DCAF6: variants seen among roughly 807,000 people sequenced by gnomAD.
The protein encoded by DCAF6 is DDB1 and CUL4 associated factor 6.
A neutral mutation model predicts 125.1 loss-of-function variants in DCAF6; 54 were observed. The observed-to-expected ratio is 0.43, with a 90% CI of 0.35 to 0.54. The LOEUF is 0.54. Among genes scored for constraint, DCAF6 ranks in the 20% least tolerant of loss-of-function variants. The probability of loss-of-function intolerance (pLI) is 0.01; values close to 1 mark genes in which losing one functional copy is unlikely to be tolerated. For synonymous variants in DCAF6, 371 were observed against 390.4 expected, an observed-to-expected ratio of 0.95 and a Z score of 0.58; for missense variants, 934 against 1,161.7, an observed-to-expected ratio of 0.80 and a Z score of 2.85.
At chr1:167,980,200 GTAAA>G (rs1159779854) in intron 4 of DCAF6, among the ~76,000 whole-genome samples, 2 of 151,984 alleles carry the variant, frequency 1.3e-5, no homozygotes, top group Non-Finnish European at 2.9e-5. Context: ...AAATAAATAA[GTAAA>G]TAAATAAATT....
chr1:167,969,306 G>A (rs1676939390), intron 3 of DCAF6: 1 of 152,150 alleles, frequency 6.6e-6, no homozygotes, highest in Non-Finnish European at 1.5e-5. Flanking sequence ...CTTCAGCCAA[G>A]TAGTTTAAGA....
At chr1:167,915,668 C>T in the DCAF6 span, among the ~76,000 whole-genome samples, 315 of 152,200 alleles carry the variant, frequency 2.1e-3, 1 homozygote, top group African/African-American at 7.2e-3. Flanking sequence ...TCAGTCTTGT[C>T]GCGAACTCCT....
intron 10 of DCAF6, among the ~76,000 whole-genome samples, chr1:168,011,395 C>T (rs1197258474): frequency 1.3e-5 from 2 of 152,060 alleles, no homozygotes; most frequent in Non-Finnish European, 2.9e-5. Flanking sequence ...GGATTACAGG[C>T]GTGAGCCACT....
chr1:168,020,818 AC>A (rs999994306), intron 11 of DCAF6, among the ~76,000 whole-genome samples: 7 of 152,256 alleles, frequency 4.6e-5, no homozygotes, highest in South Asian at 4.1e-4. Context: ...GGTTAAAAAA[AC>A]ATGTCACTTA....
intron 11 of DCAF6, 44 bp downstream of exon 11, chr1:168,015,995 T>C: frequency 7.2e-7 from 1 of 1,388,086 alleles, no homozygotes; most frequent in East Asian, 2.9e-5. Context: ...AGAATTGTTT[T>C]TTAATACTGC....
At chr1:167,966,999 T>C (rs963713535) in intron 3 of DCAF6, among the ~76,000 whole-genome samples, 1 of 152,118 alleles carries the variant, frequency 6.6e-6, no homozygotes. Context: ...TTCAATAACA[T>C]TTTTTGGGGG....
chr1:168,068,968 T>C (rs1692705875), intron 21 of DCAF6, among the ~76,000 whole-genome samples: 1 of 152,196 alleles, frequency 6.6e-6, no homozygotes, highest in South Asian at 2.1e-4. Flanking sequence ...AAAGGTCTAG[T>C]ATCTGTTATA....
chr1:167,924,448 T>C, the DCAF6 span: 22 of 1,489,912 alleles, frequency 1.5e-5, no homozygotes, highest in Non-Finnish European at 2.0e-5. Flanking sequence ...AGTAAATTCC[T>C]ATTAAGGAAT....
intron 11 of DCAF6, among the ~76,000 whole-genome samples, chr1:168,018,016 A>G (rs1685204407): frequency 6.6e-6 from 1 of 152,230 alleles, no homozygotes; most frequent in African/African-American, 2.4e-5. Flanking sequence ...AAGTATAGAA[A>G]GAATTTCTGC....
chr1:167,900,539 C>CT, the DCAF6 span, among the ~76,000 whole-genome samples: 231 of 147,146 alleles, frequency 1.6e-3, no homozygotes, highest in Admixed American at 4.3e-3. Flanking sequence ...CTTATTTGGG[C>CT]TTTTTTTTTT....
the DCAF6 span, chr1:167,870,534 T>C: frequency 3.5e-6 from 3 of 847,040 alleles, no homozygotes; most frequent in Non-Finnish European, 5.5e-6. Flanking sequence ...GGCTCACTCC[T>C]GTAATCCCAG....
the DCAF6 span, chr1:167,901,695 A>C: frequency 6.2e-7 from 1 of 1,613,848 alleles, no homozygotes; most frequent in Non-Finnish European, 8.5e-7. Flanking sequence ...CCTTCTTCCC[A>C]CTCCTGGGTC....
chr1:167,991,779 C>T lies in DCAF6; in HGVS notation c.688+440C>T, dbSNP rs745611974. Among the ~76,000 whole-genome samples, 11 of 152,162 alleles carry T rather than the reference C, an allele frequency of 7.2e-5. No homozygotes were observed. The East Asian group carries it at 7.7e-4, about 11-fold the overall frequency. On this transcript the variant is annotated intron_variant, in intron 6 of 21. Transcript: ENST00000367840. Reference sequence around the variant, plus strand: ...TGAATCACTCTTAATCTCTGCCACTCTCTTTACATGCAATTTTCCCTGTGT... The same window carrying T: ...TGAATCACTCTTAATCTCTGCCACTTTCTTTACATGCAATTTTCCCTGTGT...
chr1:167,919,834 T>TTA, the DCAF6 span: 11 of 522,212 alleles, frequency 2.1e-5, no homozygotes, highest in Non-Finnish European at 3.8e-5. Flanking sequence ...ACTTCTTGTC[T>TTA]TAGCATTATA....
At position 168,002,585 on chromosome 1, in the gene DCAF6, C is replaced by T; in HGVS notation, c.997+10C>T. ...GAACGAGAACGAGATGGTAACTATA[C>T]TTTGGTCAGCTTTTCTTTGTATATG... is the stretch of plus-strand genomic sequence containing the variant. On this transcript the variant is annotated intron_variant, in intron 8 of 21. Coordinates refer to ENST00000367840, the MANE Select transcript of DCAF6 (RefSeq NM_001198956.2). The T allele has an allele frequency of 6.2e-7, 1 of 1,604,488 alleles. No individual in the cohort carries two copies. Among genetic ancestry groups the T allele is most frequent in the Non-Finnish European group, 8.5e-7 (1 of 1,172,654 alleles).
chr1:167,960,653 A>C (rs1232252844), intron 2 of DCAF6, among the ~76,000 whole-genome samples: 1 of 151,972 alleles, frequency 6.6e-6, no homozygotes, highest in African/African-American at 2.4e-5. Context: ...TCTGTTACTG[A>C]TTTTAGTTTA....
intron 3 of DCAF6, among the ~76,000 whole-genome samples, chr1:167,968,147 A>G (rs1291866974): frequency 6.6e-6 from 1 of 152,202 alleles, no homozygotes. Flanking sequence ...TGATTGTATC[A>G]GTCGGGTTCT....
intron 14 of DCAF6, among the ~76,000 whole-genome samples, chr1:168,043,537 A>G (rs975775578): frequency 2.6e-5 from 4 of 152,150 alleles, no homozygotes; most frequent in African/African-American, 9.6e-5. Flanking sequence ...GAGTGAATCT[A>G]TTTAATACCT....
chr1:167,979,970 CAA>C (rs1678860040), intron 4 of DCAF6, among the ~76,000 whole-genome samples: 1 of 151,992 alleles, frequency 6.6e-6, no homozygotes, highest in South Asian at 2.1e-4. Flanking sequence ...ATCACGAGGT[CAA>C]GAGATTGAGA....
Sources: allele counts gnomAD v4.1 joint callset (sites outside exome capture counted in the v4.1 genomes callset), GRCh38; gene constraint gnomAD v4.1.1; transcripts MANE v1.5; gene names NCBI Gene and HGNC (gene_info 2026-07-23, HGNC 2026-07-21).